The following NELL1 variants were observed in gnomAD, a reference collection of about 807,000 sequenced individuals.
NELL1 encodes the protein protein kinase C-binding protein NELL1.
In NELL1, 76 loss-of-function variants were observed where a neutral mutation model predicts 107.4. The ratio of observed to expected loss-of-function variants is 0.71; its 90% CI spans 0.59 to 0.86. The LOEUF is 0.86. Among genes scored for constraint, NELL1 ranks in the 40% least tolerant of loss-of-function variants. The pLI, the probability that NELL1 is intolerant of heterozygous loss-of-function variation, is 0.00. For synonymous variants in NELL1, 353 were observed against 341.2 expected, an observed-to-expected ratio of 1.03 and a Z score of -0.38; for missense variants, 1,024 against 1,005.5, an observed-to-expected ratio of 1.02 and a Z score of -0.25.
At chr11:21,549,535 T>A (rs1479082355) in intron 16 of NELL1, among the ~76,000 whole-genome samples, 1 of 151,864 alleles carries the variant, frequency 6.6e-6, no homozygotes, top group Non-Finnish European at 1.5e-5. Context: ...ATATTCCCAA[T>A]TCCTAGAACG....
At chr11:21,238,623 G>T (rs1160306192) in intron 14 of NELL1, among the ~76,000 whole-genome samples, 1 of 151,906 alleles carries the variant, frequency 6.6e-6, no homozygotes, top group East Asian at 1.9e-4. Flanking sequence ...AAATGAAAAT[G>T]GGAAACAAAA....
intron 13 of NELL1, among the ~76,000 whole-genome samples, chr11:21,178,072 T>C (rs537852312): frequency 6.6e-6 from 1 of 152,040 alleles, no homozygotes; most frequent in East Asian, 1.9e-4. Context: ...GTCGGTTGTC[T>C]CTTCACTCTG....
intron 2 of NELL1, among the ~76,000 whole-genome samples, chr11:20,725,785 A>G (rs1318467132): frequency 6.6e-6 from 1 of 152,182 alleles, no homozygotes; most frequent in Non-Finnish European, 1.5e-5. Flanking sequence ...CAGGGGGTCC[A>G]TGTGCAGGTT....
intron 5 of NELL1, among the ~76,000 whole-genome samples, chr11:20,911,645 C>T (rs1850134109): frequency 6.6e-6 from 1 of 152,158 alleles, no homozygotes; most frequent in South Asian, 2.1e-4. Flanking sequence ...AATAGGTGAT[C>T]CCAGTGGAAA....
intron 16 of NELL1, among the ~76,000 whole-genome samples, chr11:21,550,867 A>T (rs1409611576): frequency 6.6e-6 from 1 of 151,446 alleles, no homozygotes. Flanking sequence ...GTTTTTTCCA[A>T]TTCTGTGAAG....
chr11:21,107,931 A>C (rs1179360369), intron 12 of NELL1, among the ~76,000 whole-genome samples: 2 of 152,284 alleles, frequency 1.3e-5, no homozygotes, highest in East Asian at 1.9e-4. Flanking sequence ...TCTTTGTCCA[A>C]CAGTTAGTGT....
chr11:21,515,050 G>A (rs910680781), intron 15 of NELL1, among the ~76,000 whole-genome samples: 1 of 152,160 alleles, frequency 6.6e-6, no homozygotes, highest in Non-Finnish European at 1.5e-5. Context: ...AATGGCGAAA[G>A]TATCTGAAAA....
At chr11:21,120,561 G>C (rs928864168) in intron 13 of NELL1, among the ~76,000 whole-genome samples, 2 of 152,044 alleles carry the variant, frequency 1.3e-5, no homozygotes, top group African/African-American at 4.8e-5. Context: ...CTGTGTGGCA[G>C]CATTAAGGGA....
intron 3 of NELL1, among the ~76,000 whole-genome samples, chr11:20,828,212 A>G (rs327018): frequency 0.15 from 23,216 of 151,272 alleles, 3,007 homozygotes; most frequent in East Asian, 0.35. Context: ...ATTTAAGACA[A>G]TGTCTGGCAC....
chr11:21,409,808 CA>C (rs149828773), intron 15 of NELL1, among the ~76,000 whole-genome samples: 1,889 of 151,948 alleles, frequency 0.012, 31 homozygotes, highest in African/African-American at 0.044. Context: ...CGCCTTCTTA[CA>C]GATCATAGCT....
At chr11:20,887,215 G>A (rs1177262171) in intron 5 of NELL1, among the ~76,000 whole-genome samples, 3 of 152,166 alleles carry the variant, frequency 2.0e-5, no homozygotes, top group African/African-American at 4.8e-5. Flanking sequence ...TTGTATGAAT[G>A]TATCATATTT....
chr11:20,821,488 A>C (rs1857751878), intron 3 of NELL1, among the ~76,000 whole-genome samples: 1 of 152,198 alleles, frequency 6.6e-6, no homozygotes, highest in South Asian at 2.1e-4. Context: ...TATGAAGTAC[A>C]CAGGGATTTC....
intron 14 of NELL1, among the ~76,000 whole-genome samples, chr11:21,303,123 G>C (rs1421233935): frequency 8.4e-6 from 1 of 118,662 alleles, no homozygotes; most frequent in African/African-American, 2.8e-5. Context: ...TCTATCTTCT[G>C]TCTATCTATA....
chr11:21,457,830 A>G (rs1853786295), intron 15 of NELL1, among the ~76,000 whole-genome samples: 1 of 152,216 alleles, frequency 6.6e-6, no homozygotes, highest in Non-Finnish European at 1.5e-5. Flanking sequence ...TGAGAAAAAC[A>G]AAAAGAAAAT....
chr11:21,276,254 A>G (rs1379862794), intron 14 of NELL1, among the ~76,000 whole-genome samples: 2 of 152,038 alleles, frequency 1.3e-5, no homozygotes, highest in Admixed American at 1.3e-4. Flanking sequence ...TTATACACCA[A>G]TAACAGACAG....
intron 15 of NELL1, among the ~76,000 whole-genome samples, chr11:21,410,244 A>G (rs973807535): frequency 5.3e-5 from 8 of 152,068 alleles, no homozygotes; most frequent in African/African-American, 1.9e-4. Context: ...ATTAATGTCT[A>G]CAGTGCATCA....
chr11:21,135,988 T>A (rs1444957266), intron 13 of NELL1, among the ~76,000 whole-genome samples: 5 of 152,190 alleles, frequency 3.3e-5, no homozygotes. Context: ...CATGGGGAAA[T>A]AGCTATTTAA....
At chr11:21,487,477 A>AAAAC (rs112629038) in intron 15 of NELL1, among the ~76,000 whole-genome samples, 372 of 151,900 alleles carry the variant, frequency 2.4e-3, no homozygotes, top group African/African-American at 8.2e-3. Flanking sequence ...GGAAGCAAAA[A>AAAAC]AACATTTACC....
chr11:21,204,735 C>A (rs1342449874), intron 13 of NELL1, among the ~76,000 whole-genome samples: 3 of 151,956 alleles, frequency 2.0e-5, no homozygotes, highest in African/African-American at 7.3e-5. Flanking sequence ...CTGGTTTCTC[C>A]CCCATCTTTG....
Sources: gnomAD v4.1 joint callset for allele counts (sites outside exome capture counted in the v4.1 genomes callset) on GRCh38, gnomAD v4.1.1 for gene constraint, MANE v1.5 for transcripts, NCBI Gene and HGNC (gene_info 2026-07-23, HGNC 2026-07-21) for gene names.